The following PDE11A variants were observed in gnomAD, a reference collection of about 807,000 sequenced individuals.
The protein encoded by PDE11A is phosphodiesterase 11A, also known as dual 3',5'-cyclic-AMP and -GMP phosphodiesterase 11A.
PDE11A carries 100 observed loss-of-function variants against 100.5 expected under a neutral mutation model. The ratio of observed to expected loss-of-function variants is 1.00; its 90% CI spans 0.85 to 1.18. PDE11A has a LOEUF of 1.18. Among genes scored for constraint, PDE11A ranks in the 50% most tolerant of loss-of-function variants. PDE11A has a pLI of 0.00. For missense variants in PDE11A, 1,141 were observed against 1,152.6 expected, an observed-to-expected ratio of 0.99 and a Z score of 0.15; for synonymous variants, 381 against 420.8, an observed-to-expected ratio of 0.91 and a Z score of 1.16.
chr2:177,898,826 C>T (rs1270217241), intron 3 of PDE11A, among the ~76,000 whole-genome samples: 1 of 152,142 alleles, frequency 6.6e-6, no homozygotes, highest in Non-Finnish European at 1.5e-5. Context: ...AATTATATTG[C>T]TATAACTCAT....
chr2:177,979,393 T>G (rs1324140660), intron 2 of PDE11A, among the ~76,000 whole-genome samples: 1 of 150,586 alleles, frequency 6.6e-6, no homozygotes, highest in Non-Finnish European at 1.5e-5. Context: ...TATATTGTTA[T>G]GAGATAGCCA....
At chr2:178,069,533 C>G (rs968244035) in intron 1 of PDE11A, among the ~76,000 whole-genome samples, 1 of 152,184 alleles carries the variant, frequency 6.6e-6, no homozygotes, top group African/African-American at 2.4e-5. Flanking sequence ...TGCCAGTCCT[C>G]CCAACAACCC....
intron 5 of PDE11A, among the ~76,000 whole-genome samples, chr2:177,862,043 G>T (rs559111496): frequency 6.6e-6 from 1 of 151,786 alleles, no homozygotes; most frequent in East Asian, 1.9e-4. Flanking sequence ...AAAAGCACAA[G>T]TAACAAAAAA....
chr2:178,071,852 G>T lies in PDE11A; in HGVS notation c.586C>A (p.Leu196Met). The change falls in exon 1 of 20, where the codon CTG becomes ATG. Residue 196 changes from leucine (L) to methionine (M), a missense_variant. Leu to Met is a conservative substitution (Grantham distance 15, BLOSUM62 2). Transcript: ENST00000286063. ...PPTAIDYKCH[L>M]KKHNERQFFL... ...AACTGACGCTCATTATGCTTTTTCAGATGGCACTTGTAGTCGATGGCTGTA... is the reference window on the plus strand; with the variant it reads ...AACTGACGCTCATTATGCTTTTTCATATGGCACTTGTAGTCGATGGCTGTA... The T allele has an allele frequency of 6.2e-7, 1 of 1,614,074 alleles. No homozygotes were observed.
intron 2 of PDE11A, among the ~76,000 whole-genome samples, chr2:177,951,112 C>T (rs933186269): frequency 6.6e-6 from 1 of 152,028 alleles, no homozygotes; most frequent in Non-Finnish European, 1.5e-5. Context: ...AGAAATGTTC[C>T]TCTGAGCTAA....
chr2:177,986,420 A>G (rs1281240037), intron 2 of PDE11A, among the ~76,000 whole-genome samples: 1 of 152,168 alleles, frequency 6.6e-6, no homozygotes, highest in Non-Finnish European at 1.5e-5. Flanking sequence ...TGAATGTTCT[A>G]TGTTCTTCCT....
chr2:177,800,656 T>A (rs1224458801), intron 9 of PDE11A, among the ~76,000 whole-genome samples: 2 of 152,242 alleles, frequency 1.3e-5, no homozygotes, highest in Non-Finnish European at 2.9e-5. Context: ...CTGCTGGTAC[T>A]GGGCACATAA....
Position 177,680,812 on chromosome 2 carries a change from G to T in PDE11A, c.2423+14C>A, listed in dbSNP as rs777108700. ...AAATAATGAAGAAACACATAAACAAGAGCTTTTTCTTACCGAAATATATCA... is the reference window on the plus strand; with the variant it reads ...AAATAATGAAGAAACACATAAACAATAGCTTTTTCTTACCGAAATATATCA... On this transcript the variant is annotated intron_variant, in intron 16 of 19. Transcript: ENST00000286063. The T allele has an allele frequency of 3.5e-6, 5 of 1,426,536 alleles. No homozygotes were observed. Among genetic ancestry groups the T allele is most frequent in the African/African-American group, 2.8e-5 (2 of 70,938 alleles). 88.4% of individuals were successfully genotyped at this position (1,426,536 alleles called of 1,614,324 possible).
At chr2:177,663,277 C>T (rs1243791528) in intron 19 of PDE11A, among the ~76,000 whole-genome samples, 1 of 143,874 alleles carries the variant, frequency 7.0e-6, no homozygotes, top group Non-Finnish European at 1.5e-5. Context: ...ACATCTCGCT[C>T]AGAATTCACT....
intron 9 of PDE11A, among the ~76,000 whole-genome samples, chr2:177,781,511 T>C (rs75637483): frequency 8.2e-6 from 1 of 122,082 alleles, no homozygotes; most frequent in African/African-American, 3.1e-5. Flanking sequence ...TTTCTTTTTT[T>C]TTTTTTTGAG....
chr2:178,078,611 T>A (rs541916247), intron 2 of PDE11A, among the ~76,000 whole-genome samples: 5 of 152,190 alleles, frequency 3.3e-5, no homozygotes, highest in Non-Finnish European at 7.3e-5. Context: ...CATATTTTCT[T>A]CATCTTAAAA....
At chr2:177,873,560 C>A (rs1038638184) in intron 5 of PDE11A, among the ~76,000 whole-genome samples, 3 of 152,146 alleles carry the variant, frequency 2.0e-5, no homozygotes, top group Non-Finnish European at 4.4e-5. Context: ...GTAAAATTCA[C>A]CCTTTTTTAG....
At chr2:177,860,492 T>C (rs571409656) in intron 5 of PDE11A, among the ~76,000 whole-genome samples, 51 of 151,894 alleles carry the variant, frequency 3.4e-4, no homozygotes, top group African/African-American at 1.2e-3. Flanking sequence ...CAGGAAGAGA[T>C]GGCTTCACTG....
chr2:177,690,616 G>A (rs1418137381), intron 15 of PDE11A, among the ~76,000 whole-genome samples: 2 of 152,234 alleles, frequency 1.3e-5, no homozygotes, highest in Middle Eastern at 3.4e-3. Flanking sequence ...AGATGCTTTC[G>A]AGAAATGCTA....
chr2:178,055,930 T>A (rs966343925), intron 1 of PDE11A, among the ~76,000 whole-genome samples: 1 of 152,164 alleles, frequency 6.6e-6, no homozygotes, highest in Non-Finnish European at 1.5e-5. Context: ...GGGGTGATAT[T>A]TTTTTAAATA....
chr2:177,955,893 T>G (rs2085555722), intron 2 of PDE11A, among the ~76,000 whole-genome samples: 1 of 152,174 alleles, frequency 6.6e-6, no homozygotes. Flanking sequence ...TCCTTAAACC[T>G]TATACAAAAA....
chr2:177,829,674 G>T (rs1050405790), intron 6 of PDE11A, among the ~76,000 whole-genome samples: 1 of 150,198 alleles, frequency 6.7e-6, no homozygotes, highest in Non-Finnish European at 1.5e-5. Context: ...GGAAGGTCTC[G>T]ATCTCCTGAC....
In PDE11A at chr2:177,629,362, C is replaced by G; in HGVS notation, c.*45G>C. Reference sequence around the variant, plus strand: ...GATGACATTGCTGGACTGAAAATGGCCCTTCAGGCTGTAGTCATTTTGCAG... The same window carrying G: ...GATGACATTGCTGGACTGAAAATGGGCCTTCAGGCTGTAGTCATTTTGCAG... On this transcript the variant is annotated 3_prime_UTR_variant, in exon 20 of 20. Transcript: ENST00000286063. 1 of 1,563,482 alleles carries G rather than the reference C, an allele frequency of 6.4e-7. No homozygotes were observed. The highest frequency in any genetic ancestry group is 8.8e-7 in the Non-Finnish European group (1 of 1,134,914).
At chr2:177,990,925 T>C (rs2085996716) in intron 2 of PDE11A, among the ~76,000 whole-genome samples, 1 of 150,156 alleles carries the variant, frequency 6.7e-6, no homozygotes, top group South Asian at 2.2e-4. Flanking sequence ...ACCCAGGAGG[T>C]AGAGGTTGTG....
Sources: allele counts gnomAD v4.1 joint callset (sites outside exome capture counted in the v4.1 genomes callset), GRCh38; gene constraint gnomAD v4.1.1; transcripts MANE v1.5; gene names NCBI Gene and HGNC (gene_info 2026-07-23, HGNC 2026-07-21).